The following AKAP19 variants were observed in gnomAD, a reference collection of about 807,000 sequenced individuals.
AKAP19 encodes the protein A-kinase anchoring protein 19.
At chr2:189,908,578 G>A in the AKAP19 span, among the ~76,000 whole-genome samples, 1 of 152,114 alleles carries the variant, frequency 6.6e-6, no homozygotes, top group Non-Finnish European at 1.5e-5. Flanking sequence ...TTTATCTTAA[G>A]ATACTTTCTG....
the AKAP19 span, among the ~76,000 whole-genome samples, chr2:190,052,311 G>GA: frequency 6.6e-6 from 1 of 152,060 alleles, no homozygotes; most frequent in Non-Finnish European, 1.5e-5. Context: ...GAAGCCTAGC[G>GA]ATTGCCTCAA....
chr2:189,964,796 T>G, the AKAP19 span, among the ~76,000 whole-genome samples: 1 of 152,238 alleles, frequency 6.6e-6, no homozygotes, highest in Non-Finnish European at 1.5e-5. Context: ...TGGATTAGGC[T>G]TTGGCATAAG....
chr2:190,032,596 G>T, the AKAP19 span, among the ~76,000 whole-genome samples: 2 of 152,156 alleles, frequency 1.3e-5, no homozygotes, highest in Admixed American at 1.3e-4. Flanking sequence ...ATAGGTTCAA[G>T]TGTGCTTGTG....
the AKAP19 span, among the ~76,000 whole-genome samples, chr2:190,006,299 C>A: frequency 2.0e-5 from 3 of 152,150 alleles, no homozygotes; most frequent in African/African-American, 7.2e-5. Flanking sequence ...ATACCTGTCC[C>A]AAAGAGTCAA....
At chr2:190,067,434 C>T in the AKAP19 span, among the ~76,000 whole-genome samples, 1 of 152,170 alleles carries the variant, frequency 6.6e-6, no homozygotes, top group Non-Finnish European at 1.5e-5. Context: ...TTACAGTCCC[C>T]TCCTCCCAAT....
At chr2:190,153,429 C>T in the AKAP19 span, among the ~76,000 whole-genome samples, 1 of 152,082 alleles carries the variant, frequency 6.6e-6, no homozygotes, top group Non-Finnish European at 1.5e-5. Flanking sequence ...ATCAATTAGA[C>T]AATGTTAACT....
At chr2:189,930,687 A>G in the AKAP19 span, 4 of 489,422 alleles carry the variant, frequency 8.2e-6, no homozygotes, top group South Asian at 1.1e-4. Flanking sequence ...AAAAAAAAAA[A>G]AAAAGAAATT....
At chr2:190,057,461 A>G in the AKAP19 span, 1 of 1,613,602 alleles carries the variant, frequency 6.2e-7, no homozygotes, top group Non-Finnish European at 8.5e-7. Context: ...TCTCCAGAGC[A>G]GTAATTGGCC....
chr2:190,202,378 CAGTG>C, the AKAP19 span: 2 of 166,834 alleles, frequency 1.2e-5, no homozygotes, highest in Non-Finnish European at 2.9e-5. Context: ...CTTGCATAAT[CAGTG>C]AGCTAGTGGA....
chr2:190,153,649 T>C, the AKAP19 span, among the ~76,000 whole-genome samples: 1 of 152,202 alleles, frequency 6.6e-6, no homozygotes, highest in African/African-American at 2.4e-5. Flanking sequence ...ACTATAAATA[T>C]AAAAATAATT....
At chr2:190,065,432 G>A in the AKAP19 span, among the ~76,000 whole-genome samples, 2 of 152,098 alleles carry the variant, frequency 1.3e-5, no homozygotes, top group Non-Finnish European at 2.9e-5. Flanking sequence ...ACCTAAAAAT[G>A]GTTAAGATGC....
the AKAP19 span, among the ~76,000 whole-genome samples, chr2:190,069,685 T>C: frequency 1.3e-5 from 2 of 152,214 alleles, no homozygotes; most frequent in African/African-American, 4.8e-5. Context: ...CCAAATTCTT[T>C]TGTAAATTCT....
chr2:190,135,959 T>A, the AKAP19 span, among the ~76,000 whole-genome samples: 4 of 152,200 alleles, frequency 2.6e-5, no homozygotes, highest in Admixed American at 2.6e-4. Flanking sequence ...GGAACAGTTT[T>A]ATGGGATAAC....
chr2:190,018,292 C>G, the AKAP19 span, among the ~76,000 whole-genome samples: 1 of 151,952 alleles, frequency 6.6e-6, no homozygotes, highest in Admixed American at 6.6e-5. Flanking sequence ...CTTTTTACCT[C>G]TTGATGATGT....
At chr2:190,079,486 G>A in the AKAP19 span, 1 of 152,230 alleles carries the variant, frequency 6.6e-6, no homozygotes, top group Non-Finnish European at 1.5e-5. Context: ...ACAAAACTCT[G>A]TGAGTGTTCT....
the AKAP19 span, among the ~76,000 whole-genome samples, chr2:189,992,462 C>T: frequency 2.0e-5 from 3 of 152,038 alleles, no homozygotes; most frequent in African/African-American, 4.8e-5. Context: ...TAATGTGATG[C>T]CTCCAGTGTA....
chr2:189,965,558 C>G, the AKAP19 span, among the ~76,000 whole-genome samples: 1 of 151,880 alleles, frequency 6.6e-6, no homozygotes, highest in East Asian at 1.9e-4. Context: ...TCCTCAACAG[C>G]ATGAATGATC....
At chr2:190,195,551 TAAG>T in the AKAP19 span, among the ~76,000 whole-genome samples, 2 of 152,242 alleles carry the variant, frequency 1.3e-5, no homozygotes, top group Non-Finnish European at 2.9e-5. Flanking sequence ...CACCTATATG[TAAG>T]AAGACTTCCG....
chr2:190,021,950 T>C, the AKAP19 span, among the ~76,000 whole-genome samples: 1 of 152,150 alleles, frequency 6.6e-6, no homozygotes, highest in African/African-American at 2.4e-5. Context: ...ATGAACCTGC[T>C]TACTGGTCAG....
Sources: gnomAD v4.1 joint callset for allele counts (sites outside exome capture counted in the v4.1 genomes callset) on GRCh38, gnomAD v4.1.1 for gene constraint, MANE v1.5 for transcripts, NCBI Gene and HGNC (gene_info 2026-07-23, HGNC 2026-07-21) for gene names.